Variants in USP32 observed in about 807,000 individuals in gnomAD.
USP32 encodes ubiquitin specific peptidase 32, also known as ubiquitin carboxyl-terminal hydrolase 32.
Under a neutral mutation model 204.8 loss-of-function variants are expected in USP32, and 59 were observed. That is an observed-to-expected ratio of 0.29 (90% CI 0.23 to 0.36). The LOEUF (loss-of-function observed/expected upper bound fraction) is 0.36, where lower values mean the gene tolerates loss of function less well. USP32 is among the 10% of genes least tolerant of loss of function. The probability of loss-of-function intolerance (pLI) is 1.00; values close to 1 mark genes in which losing one functional copy is unlikely to be tolerated. For synonymous variants in USP32, 517 were observed against 678.4 expected (o/e 0.76, Z 3.70); for missense variants, 1,160 against 1,946.4 (o/e 0.60, Z 7.60).
Position 60,236,230 on chromosome 17 carries a change from C to G in USP32, c.1147G>C (p.Glu383Gln). The stretch of plus-strand genomic sequence containing the variant: ...TGCAGACCATACCTGCTCTCTCGTT[C>G]TAACCATCCTCTGTATGTACAAAAG... ...EEGQIIRGWL[E>Q]RESRYGLQAG... is the part of the protein sequence containing the mutation. The change falls in exon 12 of 34, where the codon GAA becomes CAA. Residue 383 changes from glutamate (E) to glutamine (Q), a missense_variant. This residue lies in a region of USP32 where 536 missense variants were observed against 680.9 expected (regional missense o/e 0.79). Coordinates refer to ENST00000300896, the MANE Select transcript of USP32 (RefSeq NM_032582.4). The G allele has an allele frequency of 6.2e-7, 1 of 1,613,740 alleles. No individual in the cohort carries two copies. Among genetic ancestry groups the G allele is most frequent in the Non-Finnish European group, 8.5e-7 (1 of 1,179,746 alleles).
chr17:60,330,910 C>T (rs1368184288), intron 2 of USP32, among the ~76,000 whole-genome samples: 1 of 152,150 alleles, frequency 6.6e-6, no homozygotes, highest in Non-Finnish European at 1.5e-5. Flanking sequence ...CCCTCCATTC[C>T]AGGCAAGTTT....
intron 1 of USP32, among the ~76,000 whole-genome samples, chr17:60,413,876 G>GAAAAAAAAAAAAAAAAAA (rs753405307): frequency 1.1e-5 from 1 of 95,102 alleles, no homozygotes; most frequent in African/African-American, 3.8e-5. Flanking sequence ...AAAAAAAAAA[G>GAAAAAAAAAAAAAAAAAA]AAAAAAAAAA....
chr17:60,364,208 C>T (rs1459904407), intron 1 of USP32, among the ~76,000 whole-genome samples: 1 of 152,124 alleles, frequency 6.6e-6, no homozygotes, highest in African/African-American at 2.4e-5. Context: ...TAGAAGGGCA[C>T]TAATCCCATT....
chr17:60,201,321 T>G (rs2084669774), intron 26 of USP32, among the ~76,000 whole-genome samples: 1 of 152,186 alleles, frequency 6.6e-6, no homozygotes, highest in South Asian at 2.1e-4. Flanking sequence ...ACATGCAATG[T>G]TTTCATTTTG....
chr17:60,241,230 C>G (rs981351111), intron 11 of USP32, among the ~76,000 whole-genome samples: 1 of 152,044 alleles, frequency 6.6e-6, no homozygotes, highest in Non-Finnish European at 1.5e-5. Flanking sequence ...AACTCCTAAC[C>G]TCAACTGATT....
intron 26 of USP32, among the ~76,000 whole-genome samples, chr17:60,204,242 A>AT (rs1199448026): frequency 6.6e-6 from 1 of 152,206 alleles, no homozygotes; most frequent in Non-Finnish European, 1.5e-5. Context: ...AGCCATCCGC[A>AT]TTTACGTGGC....
intron 2 of USP32, among the ~76,000 whole-genome samples, chr17:60,327,724 G>A (rs1221152463): frequency 6.6e-6 from 1 of 152,230 alleles, no homozygotes; most frequent in African/African-American, 2.4e-5. Context: ...TCAGGGGTCC[G>A]GGGAAGTCCC....
At chr17:60,225,173 C>T (rs141223408) in intron 13 of USP32, among the ~76,000 whole-genome samples, 133 of 152,240 alleles carry the variant, frequency 8.7e-4, no homozygotes, top group African/African-American at 3.1e-3. Context: ...GTGAAAATAG[C>T]CGCATGTGAT....
At chr17:60,319,051 A>T (rs2088051681) in intron 2 of USP32, among the ~76,000 whole-genome samples, 2 of 152,210 alleles carry the variant, frequency 1.3e-5, no homozygotes, top group African/African-American at 4.8e-5. Context: ...GCAAATTCAT[A>T]AAGACTAAAA....
intron 5 of USP32, among the ~76,000 whole-genome samples, chr17:60,280,379 G>A (rs150468918): frequency 8.5e-5 from 13 of 152,056 alleles, no homozygotes; most frequent in African/African-American, 2.4e-4. Flanking sequence ...TTACAGGCTC[G>A]GGCTACTGCA....
chr17:60,242,751 T>C (rs1303713486), intron 11 of USP32, among the ~76,000 whole-genome samples: 1 of 152,162 alleles, frequency 6.6e-6, no homozygotes, highest in Non-Finnish European at 1.5e-5. Context: ...CTGATCTCTA[T>C]GATTCTCCTT....
intron 12 of USP32, among the ~76,000 whole-genome samples, chr17:60,227,506 G>T (rs2085426812): frequency 6.6e-6 from 1 of 151,750 alleles, no homozygotes; most frequent in African/African-American, 2.4e-5. Flanking sequence ...CTGACCTCAG[G>T]TTATCTGCCC....
At chr17:60,367,214 C>A (rs1284370462) in intron 1 of USP32, among the ~76,000 whole-genome samples, 3 of 152,132 alleles carry the variant, frequency 2.0e-5, no homozygotes, top group Non-Finnish European at 4.4e-5. Context: ...ACCGAGGATA[C>A]AAAATATTCA....
intron 11 of USP32, among the ~76,000 whole-genome samples, chr17:60,251,806 G>T (rs2086176888): frequency 6.6e-6 from 1 of 151,850 alleles, no homozygotes; most frequent in African/African-American, 2.4e-5. Context: ...TACTAAAAAA[G>T]AATAATAGAG....
chr17:60,282,561 C>T (rs1298652931), intron 5 of USP32, among the ~76,000 whole-genome samples: 1 of 152,132 alleles, frequency 6.6e-6, no homozygotes, highest in Non-Finnish European at 1.5e-5. Flanking sequence ...CTCATGTTGG[C>T]CAGGATGGTC....
chr17:60,416,604 G>A (rs1488692648), intron 1 of USP32, among the ~76,000 whole-genome samples: 1 of 152,134 alleles, frequency 6.6e-6, no homozygotes, highest in Non-Finnish European at 1.5e-5. Flanking sequence ...AAAGGCAATG[G>A]ATTTTTGTTT....
intron 1 of USP32, among the ~76,000 whole-genome samples, chr17:60,411,039 G>A (rs1460126580): frequency 1.3e-5 from 2 of 151,144 alleles, no homozygotes; most frequent in African/African-American, 4.9e-5. Flanking sequence ...TTTAAAGTTA[G>A]CCAGCCAGGC....
chr17:60,391,812 C>G, intron 1 of USP32, 70 bp downstream of exon 1: 2 of 1,553,354 alleles, frequency 1.3e-6, no homozygotes, highest in Non-Finnish European at 1.8e-6. Context: ...CTCTCCCTCC[C>G]GGTTACCCAC....
upstream of USP32, among the ~76,000 whole-genome samples, chr17:60,394,154 C>G (rs1002321810): frequency 1.3e-5 from 2 of 152,166 alleles, no homozygotes; most frequent in African/African-American, 4.8e-5. Context: ...ATTTCAAAGC[C>G]TTTAATTTCC....
Sources: gnomAD v4.1 joint callset for allele counts (sites outside exome capture counted in the v4.1 genomes callset) on GRCh38, gnomAD v4.1.1 for gene constraint, gnomAD v4.1.1 regional missense constraint, MANE v1.5 for transcripts, NCBI Gene and HGNC (gene_info 2026-07-23, HGNC 2026-07-21) for gene names.